ATG2B: variants seen among roughly 807,000 people sequenced by gnomAD.
The protein encoded by ATG2B is autophagy-related protein 2 homolog B.
ATG2B carries 121 observed loss-of-function variants against 241.3 expected under a neutral mutation model. The observed-to-expected ratio is 0.50, with a 90% confidence interval of 0.43 to 0.58. ATG2B has a LOEUF of 0.58. ATG2B is among the 20% of genes least tolerant of loss of function. The pLI is 0.00. For synonymous variants in ATG2B, 858 were observed against 876.6 expected (o/e 0.98, Z 0.37); for missense variants, 2,306 against 2,491.6 (o/e 0.93, Z 1.59).
intron 17 of ATG2B, 84 bp downstream of exon 17, chr14:96,322,456 T>G (rs1887484257): frequency 7.0e-7 from 1 of 1,432,102 alleles, no homozygotes; most frequent in Non-Finnish European, 9.3e-7. Flanking sequence ...CACAAGGCAT[T>G]TTTTTAAAAA....
chr14:96,322,836 A>G, intron 16 of ATG2B, 101 bp from the exon 17 acceptor site: 2 of 941,232 alleles, frequency 2.1e-6, no homozygotes, highest in Non-Finnish European at 3.1e-6. Flanking sequence ...TTAAATCTTA[A>G]TGATAGAATT....
Position 96,311,941 on chromosome 14 carries a change from CTA to C in ATG2B, c.3913+146_3913+147del, listed in dbSNP as rs1359882282. On this transcript the variant is annotated intron_variant, in intron 26 of 41. Coordinates refer to ENST00000359933, the MANE Select transcript of ATG2B (RefSeq NM_018036.7). ...GCTGTGAATATATACCACATGATCA[CTA>C]TATACTTAAAGACCCTTTAATCTTT... 6.0e-6 allele frequency: 4 copies of C among 663,552 alleles called. No homozygotes were observed. In the African/African-American group the frequency reaches 7.4e-5, roughly 12 times the overall value. 41.1% of individuals were successfully genotyped at this position (663,552 alleles called of 1,614,324 possible).
rs554242736 is a variant in ATG2B at position 96,339,355 on chromosome 14, TAC to T, written c.924+2165_924+2166del. On this transcript the variant is annotated intron_variant, in intron 6 of 41. Coordinates refer to ENST00000359933, the MANE Select transcript of ATG2B (RefSeq NM_018036.7). ...ACACATATATACACAAACATATATA[TAC>T]ACACATATATATGTATGTGGTGTAT... 2.6e-4 allele frequency among the ~76,000 whole-genome samples: 40 copies of T among 151,878 alleles called. No individual in the cohort carries two copies. In the South Asian group the frequency reaches 5.2e-3, roughly 20 times the overall value.
intron 1 of ATG2B, among the ~76,000 whole-genome samples, chr14:96,352,336 C>T (rs1373637899): frequency 1.3e-5 from 2 of 152,040 alleles, no homozygotes; most frequent in South Asian, 2.1e-4. Context: ...GTTTTAATAC[C>T]TATACTATAC....
intron 36 of ATG2B, among the ~76,000 whole-genome samples, chr14:96,293,391 A>C (rs1886541704): frequency 6.6e-6 from 1 of 152,020 alleles, no homozygotes; most frequent in Non-Finnish European, 1.5e-5. Flanking sequence ...CAAACCATTT[A>C]TTTTAATTAT....
At chr14:96,287,680 C>T (rs1390638152) in intron 41 of ATG2B, among the ~76,000 whole-genome samples, 1 of 152,228 alleles carries the variant, frequency 6.6e-6, no homozygotes, top group Non-Finnish European at 1.5e-5. Context: ...CTACCACCCT[C>T]GTAAGTGCCT....
chr14:96,305,564 T>TA (rs1418600506), intron 31 of ATG2B, 25 bp downstream of exon 31: 6 of 1,506,810 alleles, frequency 4.0e-6, no homozygotes, highest in Non-Finnish European at 5.5e-6. Flanking sequence ...GCCTCCCAAA[T>TA]AAACTTATAT....
In ATG2B at chr14:96,317,275, GA is replaced by G. The variant is rs1430898122; in HGVS notation, c.3079del (p.Ser1027ProfsTer15). 5 of 1,613,454 alleles carry G rather than the reference GA, an allele frequency of 3.1e-6. No homozygotes were observed. Among genetic ancestry groups the G allele is most frequent in the Non-Finnish European group, 4.2e-6 (5 of 1,179,684 alleles). ...GSEEETLQYF[S>X]TVDPNYRSRR... The stretch of plus-strand genomic sequence containing the variant: ...AGAACGATAGTTGGGATCAACAGTG[GA>G]AAAATACTGCAAAGTCTCCTCCTCA... On this transcript the variant is annotated frameshift_variant, in exon 20 of 42. Coordinates refer to ENST00000359933, the MANE Select transcript of ATG2B (RefSeq NM_018036.7). LOFTEE classifies it high-confidence loss of function.
At position 96,332,576 on chromosome 14, in the gene ATG2B, T is replaced by TG. The variant is rs770299390; in HGVS notation, c.1286dup (p.Asn430LysfsTer5). ...TTAATGATAACTCAAGGTCCATGTT[T>TG]GGGGGGTCCCCAAGGGGTGGAAGAG... On this transcript the variant is annotated frameshift_variant, in exon 9 of 42. Coordinates refer to ENST00000359933, the MANE Select transcript of ATG2B (RefSeq NM_018036.7). LOFTEE classifies it high-confidence loss of function. 3.7e-6 allele frequency: 6 copies of TG among 1,611,100 alleles called. No homozygotes were observed. Among genetic ancestry groups the TG allele is most frequent in the Non-Finnish European group, 5.1e-6 (6 of 1,178,942 alleles).
At chr14:96,348,668 CAA>C (rs201521690) in intron 1 of ATG2B, among the ~76,000 whole-genome samples, 12 of 108,300 alleles carry the variant, frequency 1.1e-4, no homozygotes, top group Admixed American at 1.0e-4. Context: ...GACTCCATCT[CAA>C]AAAAAAAAAA....
chr14:96,290,687 G>C lies in ATG2B; in HGVS notation c.5702-97C>G. The C allele has an allele frequency of 1.3e-6, 2 of 1,559,740 alleles. No individual in the cohort carries two copies. Among genetic ancestry groups the C allele is most frequent in the Non-Finnish European group, 1.7e-6 (2 of 1,148,774 alleles). ...TTTAACTCCTAAAACTGGAGGCAAA[G>C]TTTTGTGTATATGAGTACATATGTG... On this transcript the variant is annotated intron_variant, in intron 39 of 41. Coordinates refer to ENST00000359933, the MANE Select transcript of ATG2B (RefSeq NM_018036.7). The surrounding 1 kb of genome is among the most constrained non-coding windows in gnomAD (Gnocchi z 4.4).
At chr14:96,348,964 G>A (rs1046080837) in intron 1 of ATG2B, among the ~76,000 whole-genome samples, 4 of 152,016 alleles carry the variant, frequency 2.6e-5, no homozygotes, top group South Asian at 2.1e-4. Context: ...AGATGATCTC[G>A]GTCCTCACTA....
rs188605038 is a variant in ATG2B, at chr14:96,310,971, G to A, written c.4161+146C>T. 5.5e-5 allele frequency: 36 copies of A among 651,824 alleles called. 1 individual carries two copies. The highest frequency in any genetic ancestry group is 5.2e-4 in the Admixed American group (15 of 28,876). 40.4% of individuals were successfully genotyped at this position (651,824 alleles called of 1,614,324 possible). A position where few individuals can be genotyped will look rare whatever the true frequency, so the allele number is the denominator to read the frequency against. On this transcript the variant is annotated intron_variant, in intron 28 of 41. Transcript: ENST00000359933. ...TTCCAAAAAGGCCCATGAAACCACC[G>A]TTTCAGACCCCATTATTCTGAAGGT...
chr14:96,336,163 A>G (rs921760914), intron 6 of ATG2B, among the ~76,000 whole-genome samples: 2 of 152,052 alleles, frequency 1.3e-5, no homozygotes, highest in Non-Finnish European at 2.9e-5. Flanking sequence ...TAAAAAAAAA[A>G]AAAAAACATG....
chr14:96,326,582 A>G (rs1314172111), intron 14 of ATG2B, among the ~76,000 whole-genome samples: 5 of 152,210 alleles, frequency 3.3e-5, no homozygotes, highest in Non-Finnish European at 5.9e-5. Flanking sequence ...CCATTCAAAT[A>G]GAAATCTATT....
chr14:96,299,223 C>A (rs562085189), intron 34 of ATG2B, among the ~76,000 whole-genome samples: 2 of 152,116 alleles, frequency 1.3e-5, no homozygotes, highest in Admixed American at 1.3e-4. Context: ...AAAATCTTCA[C>A]CTGCCTAGCT....
At chr14:96,325,581 G>T in intron 15 of ATG2B, 68 bp downstream of exon 15, 1 of 1,422,168 alleles carries the variant, frequency 7.0e-7, no homozygotes, top group Non-Finnish European at 9.6e-7. Context: ...ATACTTTTGT[G>T]ATGTTAAGTT....
chr14:96,357,246 A>G (rs1425676599), intron 1 of ATG2B, among the ~76,000 whole-genome samples: 1 of 152,084 alleles, frequency 6.6e-6, no homozygotes, highest in African/African-American at 2.4e-5. Flanking sequence ...CACTCTCTCA[A>G]TCTTTTTTCT....
At chr14:96,319,618 T>C (rs1887408172) in intron 18 of ATG2B, among the ~76,000 whole-genome samples, 2 of 152,180 alleles carry the variant, frequency 1.3e-5, no homozygotes, top group South Asian at 2.1e-4. Context: ...ATTGACATAT[T>C]AAGTAAAACT....
Sources: allele counts gnomAD v4.1 joint callset (sites outside exome capture counted in the v4.1 genomes callset), GRCh38; gene constraint gnomAD v4.1.1; non-coding constraint Gnocchi (gnomAD v3.1); transcripts MANE v1.5; gene names NCBI Gene and HGNC (gene_info 2026-07-23, HGNC 2026-07-21).